Variants in SNX3 observed in about 807,000 individuals in gnomAD.
SNX3 encodes the protein sorting nexin-3.
A neutral mutation model predicts 17.7 loss-of-function variants in SNX3; 5 were observed. The ratio of observed to expected loss-of-function variants is 0.28; its 90% CI spans 0.15 to 0.59. The LOEUF (loss-of-function observed/expected upper bound fraction) is 0.59. Ranked by LOEUF, SNX3 falls within the 20% of genes least tolerant of loss-of-function variation. The pLI is 0.88. For synonymous variants in SNX3, 91 were observed against 76.5 expected (o/e 1.19, Z -0.99); for missense variants, 132 against 206.8 (o/e 0.64, Z 2.22).
rs1403357499 is a variant in SNX3 at position 108,236,482 on chromosome 6, C to G, written c.163-13437G>C. The stretch of plus-strand genomic sequence containing the variant: ...CACTGCAAGCTCCGCCTCCTGGGTT[C>G]ACGCCATTCTCCTGCCTCAGCCTCC... On this transcript the variant is annotated intron_variant, in intron 1 of 3. Transcript: ENST00000230085. Among the ~76,000 whole-genome samples, 13 of 148,168 alleles carry G rather than the reference C, an allele frequency of 8.8e-5. No homozygotes were observed. The Admixed American group carries it at 8.8e-4, about 10-fold the overall frequency.
At chr6:108,227,010 T>A (rs1774992039) in intron 1 of SNX3, among the ~76,000 whole-genome samples, 1 of 152,232 alleles carries the variant, frequency 6.6e-6, no homozygotes, top group Non-Finnish European at 1.5e-5. Flanking sequence ...TATTTAAAGA[T>A]GCTGGCTTGT....
At chr6:108,221,583 G>A (rs1011103763) in intron 2 of SNX3, among the ~76,000 whole-genome samples, 32 of 119,090 alleles carry the variant, frequency 2.7e-4, no homozygotes, top group African/African-American at 1.0e-3. Flanking sequence ...CCTGGCTCTG[G>A]TGCCCATGCT....
chr6:108,244,647 GTT>G (rs1021781550), intron 1 of SNX3, among the ~76,000 whole-genome samples: 220 of 87,222 alleles, frequency 2.5e-3, no homozygotes, highest in African/African-American at 0.01. Flanking sequence ...TAAGTAAGGA[GTT>G]TTTTTTTTTT....
At chr6:108,225,248 C>T (rs1025521673) in intron 1 of SNX3, among the ~76,000 whole-genome samples, 5 of 151,854 alleles carry the variant, frequency 3.3e-5, no homozygotes, top group African/African-American at 1.2e-4. Flanking sequence ...CGCCACTGCA[C>T]TCCAGCCTGG....
intron 1 of SNX3, among the ~76,000 whole-genome samples, chr6:108,240,877 T>C (rs1775494585): frequency 6.6e-6 from 1 of 152,058 alleles, no homozygotes; most frequent in Non-Finnish European, 1.5e-5. Context: ...GCGCAGTGGC[T>C]CACGCCTATA....
intron 2 of SNX3, among the ~76,000 whole-genome samples, chr6:108,219,822 T>C (rs984316904): frequency 2.6e-5 from 4 of 152,198 alleles, no homozygotes; most frequent in African/African-American, 9.7e-5. Context: ...TTGCCCAACC[T>C]AAAGCAATAT....
chr6:108,233,053 T>G (rs1775220588), intron 1 of SNX3, among the ~76,000 whole-genome samples: 1 of 152,248 alleles, frequency 6.6e-6, no homozygotes, highest in African/African-American at 2.4e-5. Context: ...CTCCTTATTT[T>G]AAAAGAAGTA....
At chr6:108,245,875 T>C (rs1213871680) in intron 1 of SNX3, among the ~76,000 whole-genome samples, 1 of 152,196 alleles carries the variant, frequency 6.6e-6, no homozygotes, top group Non-Finnish European at 1.5e-5. Flanking sequence ...TTCCAAAAAT[T>C]TTCTCCCATT....
chr6:108,238,026 G>A (rs1775401379), intron 1 of SNX3, among the ~76,000 whole-genome samples: 4 of 145,464 alleles, frequency 2.7e-5, no homozygotes, highest in East Asian at 2.0e-4. Context: ...AGCCCAGGAG[G>A]TCAAGGATGA....
intron 1 of SNX3, among the ~76,000 whole-genome samples, chr6:108,241,341 T>C (rs1775517972): frequency 6.6e-6 from 1 of 151,792 alleles, no homozygotes; most frequent in Non-Finnish European, 1.5e-5. Context: ...CTTTGACTTG[T>C]TCCCCAACCT....
intron 1 of SNX3, among the ~76,000 whole-genome samples, chr6:108,227,324 GA>G (rs963552159): frequency 6.6e-6 from 1 of 152,148 alleles, no homozygotes; most frequent in African/African-American, 2.4e-5. Context: ...TCAAGCTTGC[GA>G]AAAGAGTCCC....
At chr6:108,236,953 T>A (rs1775364463) in intron 1 of SNX3, among the ~76,000 whole-genome samples, 1 of 152,182 alleles carries the variant, frequency 6.6e-6, no homozygotes, top group African/African-American at 2.4e-5. Flanking sequence ...ACTCCTTTCA[T>A]AAAGCTCCAC....
chr6:108,254,045 T>C (rs1775955677), intron 1 of SNX3, among the ~76,000 whole-genome samples: 2 of 151,056 alleles, frequency 1.3e-5, no homozygotes, highest in Admixed American at 6.6e-5. Context: ...GAGAATGGCA[T>C]GAACCCAGGA....
chr6:108,234,238 C>CATATATATAT (rs10655859), intron 1 of SNX3, among the ~76,000 whole-genome samples: 6,509 of 148,106 alleles, frequency 0.044, 464 homozygotes, highest in African/African-American at 0.15. Flanking sequence ...ATATAAAAAA[C>CATATATATAT]ATATATATAT....
intron 1 of SNX3, among the ~76,000 whole-genome samples, chr6:108,243,751 G>A (rs528483268): frequency 9.9e-5 from 15 of 152,208 alleles, no homozygotes; most frequent in Non-Finnish European, 1.8e-4. Context: ...TGGTCAACAT[G>A]GTGAATCTCC....
At chr6:108,253,077 A>G (rs1170058522) in intron 1 of SNX3, among the ~76,000 whole-genome samples, 1 of 152,228 alleles carries the variant, frequency 6.6e-6, no homozygotes, top group African/African-American at 2.4e-5. Flanking sequence ...CAAAGTATCT[A>G]ATAATAACAG....
chr6:108,245,765 T>C lies in SNX3; in HGVS notation c.162+14995A>G, dbSNP rs1318360092. On this transcript the variant is annotated intron_variant, in intron 1 of 3. Transcript: ENST00000230085. ...TAAATGTCTTCTTTTGAGAAGTGTC[T>C]GTTCATATCCTTTGCCCACTTTTTG... Among the ~76,000 whole-genome samples, 3 of 152,258 alleles carry C rather than the reference T, an allele frequency of 2.0e-5. No homozygotes were observed. In the East Asian group the frequency reaches 5.8e-4, roughly 29 times the overall value.
chr6:108,241,977 G>A (rs1175701151), intron 1 of SNX3, among the ~76,000 whole-genome samples: 1 of 152,162 alleles, frequency 6.6e-6, no homozygotes, highest in Non-Finnish European at 1.5e-5. Flanking sequence ...TCAAGGAATA[G>A]AGAATCTCAA....
intron 1 of SNX3, among the ~76,000 whole-genome samples, chr6:108,247,815 T>C (rs1775737795): frequency 2.0e-5 from 3 of 151,920 alleles, no homozygotes; most frequent in African/African-American, 7.3e-5. Flanking sequence ...AAACAAATTA[T>C]AGCCGGGTGT....
Sources: gnomAD v4.1 joint callset for allele counts (sites outside exome capture counted in the v4.1 genomes callset) on GRCh38, gnomAD v4.1.1 for gene constraint, MANE v1.5 for transcripts, NCBI Gene and HGNC (gene_info 2026-07-23, HGNC 2026-07-21) for gene names.